ST8SIA6: variants seen among roughly 807,000 people sequenced by gnomAD.
ST8SIA6 encodes the protein alpha-2,8-sialyltransferase 8F.
ST8SIA6 carries 39 observed loss-of-function variants against 33.6 expected under a neutral mutation model. The ratio of observed to expected loss-of-function variants is 1.16; its 90% CI spans 0.90 to 1.52. The LOEUF is 1.52. Among genes scored for constraint, ST8SIA6 ranks in the 40% most tolerant of loss-of-function variants. ST8SIA6 has a pLI of 0.00. For synonymous variants in ST8SIA6, 172 were observed against 167.2 expected, an observed-to-expected ratio of 1.03 and a Z score of -0.22; for missense variants, 441 against 443.8, an observed-to-expected ratio of 0.99 and a Z score of 0.06.
At chr10:17,435,013 T>G (rs1182170676) in intron 2 of ST8SIA6, among the ~76,000 whole-genome samples, 1 of 152,116 alleles carries the variant, frequency 6.6e-6, no homozygotes, top group Non-Finnish European at 1.5e-5. Flanking sequence ...CCAGGTTATT[T>G]TCAAAAATGG....
chr10:17,444,836 A>G (rs1298909352), intron 2 of ST8SIA6, among the ~76,000 whole-genome samples: 2 of 152,218 alleles, frequency 1.3e-5, no homozygotes, highest in East Asian at 3.8e-4. Flanking sequence ...TTAAAAGAGA[A>G]GGGTTGCAAT....
chr10:17,413,242 A>G (rs1054565392), intron 2 of ST8SIA6: 7 of 150,396 alleles, frequency 4.7e-5, no homozygotes, highest in African/African-American at 1.7e-4. Flanking sequence ...ATTTAGTTCA[A>G]CTACTTATTA....
intron 4 of ST8SIA6, among the ~76,000 whole-genome samples, chr10:17,341,942 G>A (rs12243128): frequency 0.56 from 79,388 of 142,968 alleles, 22,041 homozygotes; most frequent in African/African-American, 0.66. Context: ...GAAAGAAAAA[G>A]AAAGAAGCTG....
chr10:17,383,095 GTCTCT>G (rs1250677688), intron 3 of ST8SIA6, among the ~76,000 whole-genome samples: 3 of 151,648 alleles, frequency 2.0e-5, no homozygotes, highest in Admixed American at 1.3e-4. Context: ...AGAAAATTAA[GTCTCT>G]TCTCACAAAG....
At chr10:17,433,222 G>A (rs61844063) in intron 2 of ST8SIA6, among the ~76,000 whole-genome samples, 5,901 of 152,104 alleles carry the variant, frequency 0.039, 165 homozygotes, top group South Asian at 0.055. Context: ...TTCCTCAACA[G>A]GACAATAACA....
At position 17,319,672 on chromosome 10, in the gene ST8SIA6, T is replaced by C. The variant is rs184964644; in HGVS notation, c.*1206A>G. ...GAAAAATTTTTAAGATAGGATATTA[T>C]ATGGGAAAAAAAAGTAAGCTCTAAA... On this transcript the variant is annotated 3_prime_UTR_variant, in exon 8 of 8. Transcript: ENST00000377602. Among the ~76,000 whole-genome samples the C allele has an allele frequency of 6.6e-6, 1 of 152,156 alleles. No homozygotes were observed. Among genetic ancestry groups the C allele is most frequent in the Admixed American group, 6.5e-5 (1 of 15,294 alleles).
intron 3 of ST8SIA6, among the ~76,000 whole-genome samples, chr10:17,369,869 T>C (rs1252967611): frequency 6.6e-6 from 1 of 152,218 alleles, no homozygotes; most frequent in Non-Finnish European, 1.5e-5. Context: ...GTGGTTGCTA[T>C]CTGCACAATG....
At chr10:17,331,299 C>A (rs944662598) in intron 5 of ST8SIA6, 109 bp downstream of exon 5, 5 of 1,357,584 alleles carry the variant, frequency 3.7e-6, no homozygotes, top group East Asian at 4.8e-5. Flanking sequence ...TACAACATAA[C>A]AATATGGTAT....
chr10:17,381,458 G>A (rs1850150261), intron 3 of ST8SIA6, among the ~76,000 whole-genome samples: 1 of 148,206 alleles, frequency 6.7e-6, no homozygotes, highest in African/African-American at 2.5e-5. Flanking sequence ...ATACACAAAA[G>A]AGCTCTAATT....
intron 4 of ST8SIA6, 38 bp downstream of exon 4, chr10:17,359,476 C>G: frequency 6.8e-7 from 1 of 1,460,628 alleles, no homozygotes; most frequent in Non-Finnish European, 9.5e-7. Flanking sequence ...ATGAACAAGA[C>G]ATTTTTAAAA....
intron 3 of ST8SIA6, among the ~76,000 whole-genome samples, chr10:17,363,189 A>G (rs1317927513): frequency 6.6e-6 from 1 of 152,142 alleles, no homozygotes; most frequent in East Asian, 1.9e-4. Context: ...CAATGTATCT[A>G]TCGCTTGAGA....
At chr10:17,359,404 C>G (rs1849308735) in intron 4 of ST8SIA6, 110 bp downstream of exon 4, 3 of 741,950 alleles carry the variant, frequency 4.0e-6, no homozygotes, top group Non-Finnish European at 6.5e-6. Flanking sequence ...GGCCTCATTG[C>G]CAGCTGGGGT....
At chr10:17,327,462 C>T (rs1237628741) in intron 5 of ST8SIA6, among the ~76,000 whole-genome samples, 1 of 152,092 alleles carries the variant, frequency 6.6e-6, no homozygotes, top group Non-Finnish European at 1.5e-5. Flanking sequence ...TGGTGGGTGC[C>T]TGTAATCCGA....
At chr10:17,374,748 A>ATATATATATATATATAT (rs1554792809) in intron 3 of ST8SIA6, among the ~76,000 whole-genome samples, 1 of 67,648 alleles carries the variant, frequency 1.5e-5, no homozygotes, top group African/African-American at 5.3e-5. Flanking sequence ...ATAAATAAAT[A>ATATATATATATATATAT]ATAAATATAT....
intron 4 of ST8SIA6, among the ~76,000 whole-genome samples, chr10:17,349,161 A>G (rs1410975865): frequency 6.6e-6 from 1 of 152,214 alleles, no homozygotes; most frequent in Non-Finnish European, 1.5e-5. Flanking sequence ...TCCATCATGA[A>G]AAGACCAAAG....
chr10:17,368,722 G>T (rs2131629223), intron 3 of ST8SIA6, among the ~76,000 whole-genome samples: 1 of 152,196 alleles, frequency 6.6e-6, no homozygotes, highest in East Asian at 1.9e-4. Context: ...AATATAAGGG[G>T]GTGGTGCAAG....
At chr10:17,363,818 C>T (rs1186559554) in intron 3 of ST8SIA6, among the ~76,000 whole-genome samples, 5 of 152,142 alleles carry the variant, frequency 3.3e-5, no homozygotes, top group Non-Finnish European at 7.4e-5. Context: ...ATGAGCTCAC[C>T]ATAGCTCCTA....
chr10:17,370,891 C>T (rs188594346), intron 3 of ST8SIA6, among the ~76,000 whole-genome samples: 5 of 152,216 alleles, frequency 3.3e-5, no homozygotes, highest in Admixed American at 2.6e-4. Context: ...TGTCTACTTA[C>T]AGAAATAGGA....
At chr10:17,336,307 A>AG (rs1008020229) in intron 4 of ST8SIA6, among the ~76,000 whole-genome samples, 2 of 152,156 alleles carry the variant, frequency 1.3e-5, no homozygotes, top group African/African-American at 2.4e-5. Flanking sequence ...CCAAACCTGT[A>AG]GGAAAGTTAA....
Sources: gnomAD v4.1 joint callset for allele counts (sites outside exome capture counted in the v4.1 genomes callset) on GRCh38, gnomAD v4.1.1 for gene constraint, MANE v1.5 for transcripts, NCBI Gene and HGNC (gene_info 2026-07-23, HGNC 2026-07-21) for gene names.